ATG7: variants seen among roughly 807,000 people sequenced by gnomAD.
ATG7 encodes the protein autophagy related 7.
Under a neutral mutation model 82.4 loss-of-function variants are expected in ATG7, and 70 were observed. The observed-to-expected ratio is 0.85, with a 90% CI of 0.70 to 1.04. ATG7 has a LOEUF of 1.04. ATG7 is among the 50% of genes least tolerant of loss of function. ATG7 has a pLI of 0.00. For missense variants in ATG7, 792 were observed against 864.3 expected (o/e 0.92, Z 1.05); for synonymous variants, 287 against 313.0 (o/e 0.92, Z 0.88).
chr3:11,455,368 A>G (rs2085599940), intron 20 of ATG7, among the ~76,000 whole-genome samples: 1 of 152,182 alleles, frequency 6.6e-6, no homozygotes, highest in Admixed American at 6.5e-5. Flanking sequence ...AATGTGGTTT[A>G]GAGTAGTCAG....
chr3:11,368,825 T>G (rs1371478101), intron 18 of ATG7, among the ~76,000 whole-genome samples: 1 of 150,846 alleles, frequency 6.6e-6, no homozygotes, highest in Non-Finnish European at 1.5e-5. Flanking sequence ...TTTATCCCAC[T>G]TGTGGACCAA....
At chr3:11,539,628 C>T (rs913244915) in intron 20 of ATG7, among the ~76,000 whole-genome samples, 10 of 152,174 alleles carry the variant, frequency 6.6e-5, no homozygotes, top group African/African-American at 2.4e-4. Context: ...CGGTATTTCT[C>T]TTATGACATT....
rs189679269 is a variant in ATG7 at position 11,334,943 on chromosome 3, G to T, written c.889+1850G>T. On this transcript the variant is annotated intron_variant, in intron 11 of 20. Coordinates refer to ENST00000693202, the MANE Select transcript of ATG7 (RefSeq NM_001349232.2). The stretch of plus-strand genomic sequence containing the variant: ...CACTCCAGCCTGGGTGACAGAGCAA[G>T]ACTCTGTCTCAAAAAAAAAAAAAAA... 7.6e-4 allele frequency among the ~76,000 whole-genome samples: 78 copies of T among 102,342 alleles called. 1 individual carries two copies. The highest frequency in any genetic ancestry group is 2.9e-3 in the African/African-American group (73 of 24,802). 67.1% of individuals were successfully genotyped at this position (102,342 alleles called of 152,430 possible).
chr3:11,439,363 C>T (rs527768895), intron 20 of ATG7, among the ~76,000 whole-genome samples: 87 of 152,148 alleles, frequency 5.7e-4, no homozygotes, highest in African/African-American at 1.5e-3. Flanking sequence ...GCCACTGCAC[C>T]GGGCCTGAGC....
At chr3:11,519,542 T>TTTG (rs2124902686) in intron 20 of ATG7, among the ~76,000 whole-genome samples, 2 of 38,476 alleles carry the variant, frequency 5.2e-5, no homozygotes, top group South Asian at 1.3e-3. Context: ...GAGAGGAGTT[T>TTTG]TTTTTTTTTT....
chr3:11,533,094 C>A (rs1018172804), intron 20 of ATG7, among the ~76,000 whole-genome samples: 2 of 152,168 alleles, frequency 1.3e-5, no homozygotes, highest in African/African-American at 4.8e-5. Context: ...CGCTGGTGCG[C>A]AGAGCAGACA....
Position 11,426,831 on chromosome 3 carries a change from T to C in ATG7, c.1984T>C (p.Phe662Leu). ...TCTTGATCAATATGAACGAGAAGGA[T>C]TTAACTTCCTAGCCAAGGTGTTTAA... ...KVLDQYEREG[F>L]NFLAKVFNSS... is the part of the protein sequence containing the mutation. The change falls in exon 20 of 21, where the codon TTT (phenylalanine) becomes CTT (leucine). Residue 662 changes from phenylalanine to leucine, a missense_variant. Transcript: ENST00000693202. 1 of 1,610,546 alleles carries C rather than the reference T, an allele frequency of 6.2e-7. No homozygotes were observed. The highest frequency in any genetic ancestry group is 8.5e-7 in the Non-Finnish European group (1 of 1,178,576).
chr3:11,541,144 C>T (rs1318258219), intron 20 of ATG7, among the ~76,000 whole-genome samples: 1 of 152,208 alleles, frequency 6.6e-6, no homozygotes, highest in Non-Finnish European at 1.5e-5. Flanking sequence ...TCGTGATCCG[C>T]CCGCCTCGGC....
At chr3:11,447,497 C>G (rs1001790919) in intron 20 of ATG7, among the ~76,000 whole-genome samples, 4 of 151,752 alleles carry the variant, frequency 2.6e-5, no homozygotes, top group Admixed American at 6.6e-5. Flanking sequence ...TAATTTATTG[C>G]TTAATGAAAC....
At chr3:11,511,256 A>G (rs1413734847) in intron 20 of ATG7, among the ~76,000 whole-genome samples, 1 of 152,100 alleles carries the variant, frequency 6.6e-6, no homozygotes, top group East Asian at 1.9e-4. Flanking sequence ...TGATTGGTAG[A>G]GCCGAGTGGC....
At chr3:11,554,691 G>C (rs2072228343) in intron 20 of ATG7, 120 bp from the exon 21 acceptor site, 1 of 1,243,106 alleles carries the variant, frequency 8.0e-7, no homozygotes, top group African/African-American at 1.5e-5. Flanking sequence ...CAGTCCCTCA[G>C]AAACAAGGGA....
chr3:11,374,169 G>A (rs1402335445), intron 18 of ATG7, among the ~76,000 whole-genome samples: 1 of 152,144 alleles, frequency 6.6e-6, no homozygotes, highest in Non-Finnish European at 1.5e-5. Context: ...TGGACGTGAA[G>A]AACAAAGTTG....
At chr3:11,541,229 T>C (rs2070808849) in intron 20 of ATG7, among the ~76,000 whole-genome samples, 1 of 152,208 alleles carries the variant, frequency 6.6e-6, no homozygotes, top group Non-Finnish European at 1.5e-5. Context: ...ATGTTTGTGA[T>C]TGATTTCAAG....
rs189700391 is a variant in ATG7 at position 11,531,466 on chromosome 3, C to A, written c.2080-23345C>A. 1.9e-3 allele frequency among the ~76,000 whole-genome samples: 294 copies of A among 152,332 alleles called. 6 individuals carry two copies. The highest frequency in any genetic ancestry group is 3.5e-4 in the Non-Finnish European group (24 of 68,028). On this transcript the variant is annotated intron_variant, in intron 20 of 20. Transcript: ENST00000693202. ...CCCCTGTGTGCCAGTCCATTACTGG[C>A]TGGCATTAGGGTGCTCACCTCTCTG...
At chr3:11,479,380 A>G (rs2088656482) in intron 20 of ATG7, among the ~76,000 whole-genome samples, 1 of 152,202 alleles carries the variant, frequency 6.6e-6, no homozygotes, top group Non-Finnish European at 1.5e-5. Context: ...TTCATTTTAT[A>G]GAGTTTTTCT....
intron 19 of ATG7, among the ~76,000 whole-genome samples, chr3:11,400,112 A>G (rs976604900): frequency 6.6e-6 from 1 of 152,214 alleles, no homozygotes; most frequent in Non-Finnish European, 1.5e-5. Flanking sequence ...AAGGTTCACA[A>G]CCTGACACTG....
At chr3:11,464,684 A>G (rs1419957387) in intron 20 of ATG7, among the ~76,000 whole-genome samples, 1 of 152,236 alleles carries the variant, frequency 6.6e-6, no homozygotes, top group African/African-American at 2.4e-5. Context: ...TATTTCTGTG[A>G]AAGTCATTGC....
chr3:11,551,929 A>C (rs1366090631), intron 20 of ATG7, among the ~76,000 whole-genome samples: 1 of 147,882 alleles, frequency 6.8e-6, no homozygotes, highest in African/African-American at 2.5e-5. Context: ...TTGGATTTTT[A>C]GTAGAGACGG....
chr3:11,284,587 T>C (rs1388336034), intron 3 of ATG7, among the ~76,000 whole-genome samples: 1 of 152,230 alleles, frequency 6.6e-6, no homozygotes, highest in African/African-American at 2.4e-5. Flanking sequence ...GGTCTTGCTC[T>C]GTTGCCCAGG....
Sources: gnomAD v4.1 joint callset for allele counts (sites outside exome capture counted in the v4.1 genomes callset) on GRCh38, gnomAD v4.1.1 for gene constraint, MANE v1.5 for transcripts, NCBI Gene and HGNC (gene_info 2026-07-23, HGNC 2026-07-21) for gene names.